NECAB1: variants seen among roughly 807,000 people sequenced by gnomAD.
NECAB1 encodes N-terminal EF-hand calcium-binding protein 1.
NECAB1 carries 29 observed loss-of-function variants against 57.5 expected under a neutral mutation model. That is an observed-to-expected ratio of 0.50 (90% CI 0.38 to 0.69). NECAB1 has a LOEUF of 0.69. Among genes scored for constraint, NECAB1 ranks in the 30% least tolerant of loss-of-function variants. The pLI, the probability that NECAB1 is intolerant of heterozygous loss-of-function variation, is 0.00. For synonymous variants in NECAB1, 142 were observed against 147.7 expected (o/e 0.96, Z 0.28); for missense variants, 372 against 413.8 (o/e 0.90, Z 0.88).
At chr8:90,875,934 C>T (rs1383209383) in intron 4 of NECAB1, among the ~76,000 whole-genome samples, 1 of 151,788 alleles carries the variant, frequency 6.6e-6, no homozygotes, top group African/African-American at 2.4e-5. Flanking sequence ...GGCGTGAACC[C>T]GGGAGGCGGA....
chr8:90,916,493 A>G (rs772538669), intron 5 of NECAB1, among the ~76,000 whole-genome samples: 9 of 152,150 alleles, frequency 5.9e-5, no homozygotes, highest in Non-Finnish European at 1.2e-4. Context: ...GTATTGTGTT[A>G]TCACCCTCAG....
intron 4 of NECAB1, among the ~76,000 whole-genome samples, chr8:90,877,614 G>C (rs1380203706): frequency 6.6e-6 from 1 of 152,166 alleles, no homozygotes; most frequent in Non-Finnish European, 1.5e-5. Flanking sequence ...GTGGGCCTGA[G>C]ACACTGAGTT....
intron 1 of NECAB1, among the ~76,000 whole-genome samples, chr8:90,800,366 C>A (rs755039045): frequency 1.1e-4 from 16 of 152,088 alleles, no homozygotes; most frequent in East Asian, 1.9e-4. Context: ...TGAGAGTGGG[C>A]GTCCTTGTCT....
intron 6 of NECAB1, among the ~76,000 whole-genome samples, chr8:90,920,477 T>C (rs1586125809): frequency 6.6e-6 from 1 of 152,144 alleles, no homozygotes; most frequent in East Asian, 1.9e-4. Flanking sequence ...AACTATACCT[T>C]TCCTATGATG....
At chr8:90,881,212 C>G in intron 5 of NECAB1, 82 bp downstream of exon 5, 2 of 903,038 alleles carry the variant, frequency 2.2e-6, no homozygotes, top group South Asian at 3.2e-5. Flanking sequence ...CTATTTTCAA[C>G]TATAGATTCT....
chr8:90,806,762 T>C (rs750239362), intron 2 of NECAB1: 1 of 152,252 alleles, frequency 6.6e-6, no homozygotes, highest in Non-Finnish European at 1.5e-5. Context: ...TTACTTCTCA[T>C]AAAGTTGTTT....
intron 5 of NECAB1, among the ~76,000 whole-genome samples, chr8:90,909,458 A>G (rs1809774858): frequency 6.6e-6 from 1 of 151,958 alleles, no homozygotes. Flanking sequence ...GGTTGTCTGC[A>G]GCTCATTTTC....
At chr8:90,892,117 T>G (rs749474108) in intron 5 of NECAB1, among the ~76,000 whole-genome samples, 45 of 152,208 alleles carry the variant, frequency 3.0e-4, no homozygotes, top group Non-Finnish European at 5.3e-4. Flanking sequence ...AGAAAATATT[T>G]GTAAGGATTT....
intron 4 of NECAB1, among the ~76,000 whole-genome samples, chr8:90,879,096 T>TAA (rs1293433796): frequency 2.1e-5 from 3 of 143,656 alleles, no homozygotes; most frequent in Non-Finnish European, 4.5e-5. Context: ...ATTATATATA[T>TAA]AATATAGGTA....
intron 8 of NECAB1, among the ~76,000 whole-genome samples, chr8:90,932,358 A>G (rs1381357468): frequency 6.6e-6 from 1 of 152,218 alleles, no homozygotes; most frequent in Non-Finnish European, 1.5e-5. Flanking sequence ...CTATTCCAGC[A>G]GTGGAAATAC....
At chr8:90,895,017 G>A (rs1399201187) in intron 5 of NECAB1, among the ~76,000 whole-genome samples, 6 of 152,194 alleles carry the variant, frequency 3.9e-5, no homozygotes, top group Non-Finnish European at 7.3e-5. Flanking sequence ...CTTCAGTCTG[G>A]TGAATGCATA....
intron 2 of NECAB1, among the ~76,000 whole-genome samples, chr8:90,822,958 A>G (rs1173317750): frequency 6.6e-6 from 1 of 151,368 alleles, no homozygotes; most frequent in Non-Finnish European, 1.5e-5. Context: ...CTGGCAATAC[A>G]TTTTTCATCA....
intron 5 of NECAB1, among the ~76,000 whole-genome samples, chr8:90,905,482 T>G (rs1047978506): frequency 6.6e-6 from 1 of 152,166 alleles, no homozygotes; most frequent in Non-Finnish European, 1.5e-5. Flanking sequence ...CACAGGTTCA[T>G]AGGCAGTTGG....
chr8:90,792,036 TC>T, intron 1 of NECAB1, 51 bp downstream of exon 1: 1 of 1,438,400 alleles, frequency 7.0e-7, no homozygotes. Context: ...ACCTTTCTTT[TC>T]CCCGAAAGGA....
chr8:90,841,742 G>T (rs1004414626), intron 3 of NECAB1, among the ~76,000 whole-genome samples: 1 of 152,172 alleles, frequency 6.6e-6, no homozygotes, highest in Non-Finnish European at 1.5e-5. Context: ...TGAGAGAAAA[G>T]AATCCTCTTG....
intron 5 of NECAB1, among the ~76,000 whole-genome samples, chr8:90,894,784 A>T (rs950080673): frequency 6.6e-6 from 1 of 152,254 alleles, no homozygotes; most frequent in African/African-American, 2.4e-5. Flanking sequence ...AGAATTCAAC[A>T]GAGCAGCTAA....
rs866766413 is a variant in NECAB1, at chr8:90,956,943, C to G, written c.*1431C>G. The G allele has an allele frequency of 7.0e-6, 1 of 143,344 alleles. No individual in the cohort carries two copies. The highest frequency in any genetic ancestry group is 2.6e-5 in the African/African-American group (1 of 38,796). 8.9% of individuals were successfully genotyped at this position (143,344 alleles called of 1,614,324 possible). On this transcript the variant is annotated 3_prime_UTR_variant, in exon 13 of 13. Transcript: ENST00000417640. ...AATTTTGATATATTGTACATACACA[C>G]GTGTGTGTGTGTGTGTGTGTGTGTG...
chr8:90,859,779 G>C (rs1173868143), intron 3 of NECAB1, among the ~76,000 whole-genome samples: 3 of 152,112 alleles, frequency 2.0e-5, no homozygotes, highest in Admixed American at 6.5e-5. Context: ...AATTGAAACA[G>C]AGCTCACCAT....
At chr8:90,834,164 CAAAAAAAAAAAA>C (rs71560282) in intron 3 of NECAB1, among the ~76,000 whole-genome samples, 1 of 49,136 alleles carries the variant, frequency 2.0e-5, no homozygotes, top group Non-Finnish European at 4.0e-5. Flanking sequence ...AACTGTGTCT[CAAAAAAAAAAAA>C]AAAAAAAAAA....
Sources: allele counts gnomAD v4.1 joint callset (sites outside exome capture counted in the v4.1 genomes callset), GRCh38; gene constraint gnomAD v4.1.1; transcripts MANE v1.5; gene names NCBI Gene and HGNC (gene_info 2026-07-23, HGNC 2026-07-21).